Variants in CDC25C observed in about 807,000 individuals in gnomAD.
CDC25C encodes M-phase inducer phosphatase 3.
In CDC25C, 48 loss-of-function variants were observed where a neutral mutation model predicts 52.5. The ratio of observed to expected loss-of-function variants is 0.91; its 90% confidence interval spans 0.72 to 1.16. CDC25C has a LOEUF of 1.16. Among genes scored for constraint, CDC25C ranks in the 50% most tolerant of loss-of-function variants. CDC25C has a pLI of 0.00. For synonymous variants in CDC25C, 187 were observed against 206.5 expected (o/e 0.91, Z 0.81); for missense variants, 510 against 566.1 (o/e 0.90, Z 1.01).
chr5:138,337,282 T>TA (rs1220098060), intron 1 of CDC25C: 1 of 152,520 alleles, frequency 6.6e-6, no homozygotes, highest in Non-Finnish European at 1.5e-5. Flanking sequence ...TCAATCTCTT[T>TA]AAAAAAGACT....
chr5:138,332,284 T>C (rs1355938755), upstream of CDC25C: 1 of 152,272 alleles, frequency 6.6e-6, no homozygotes, highest in East Asian at 1.9e-4. Flanking sequence ...TTCTTCTAAG[T>C]TTTGCTGGCC....
At chr5:138,329,134 A>G (rs1458051087) in intron 3 of CDC25C, among the ~76,000 whole-genome samples, 1 of 151,772 alleles carries the variant, frequency 6.6e-6, no homozygotes, top group East Asian at 1.9e-4. Flanking sequence ...CGATCTCTTG[A>G]CCTCGTGACC....
At chr5:138,322,058 G>A (rs559007760) in intron 6 of CDC25C, among the ~76,000 whole-genome samples, 2 of 152,082 alleles carry the variant, frequency 1.3e-5, no homozygotes, top group African/African-American at 4.8e-5. Context: ...CTGGAGTGCA[G>A]TGGCGCGATC....
chr5:138,305,911 G>GT (rs1757970210), intron 7 of CDC25C, among the ~76,000 whole-genome samples: 1 of 152,166 alleles, frequency 6.6e-6, no homozygotes, highest in African/African-American at 2.4e-5. Flanking sequence ...AAAGCAAAGG[G>GT]TTGGTCCAGA....
intron 7 of CDC25C, among the ~76,000 whole-genome samples, chr5:138,293,151 A>G (rs1047257950): frequency 6.6e-6 from 1 of 152,212 alleles, no homozygotes; most frequent in African/African-American, 2.4e-5. Context: ...GGTACCGTCC[A>G]CATTATACGT....
rs754898690 is a variant in CDC25C at position 138,289,444 on chromosome 5, A to C, written c.927+57T>G. ...AAATGGAAATGGGCATTTTAGGGAC[A>C]GAAGAGACCAGATGGTAGCTTATGT... On this transcript the variant is annotated intron_variant, in intron 10 of 13. Coordinates refer to ENST00000323760, the MANE Select transcript of CDC25C (RefSeq NM_001790.5). The C allele has an allele frequency of 3.2e-6, 4 of 1,253,392 alleles. No individual in the cohort carries two copies. The African/African-American group carries it at 5.9e-5, about 18-fold the overall frequency. The allele number at this position is 1,253,392 out of a possible 1,614,324, so 77.6% of individuals were successfully genotyped here. A position where few individuals can be genotyped will look rare whatever the true frequency, so the allele number is the denominator to read the frequency against.
chr5:138,301,175 T>C (rs1249651052), intron 7 of CDC25C, among the ~76,000 whole-genome samples: 2 of 152,084 alleles, frequency 1.3e-5, no homozygotes, highest in Non-Finnish European at 2.9e-5. Context: ...AAAAGATGAT[T>C]TTTTAAAAAG....
At chr5:138,328,590 C>T in intron 3 of CDC25C, 61 bp from the exon 4 acceptor site, 1 of 1,413,538 alleles carries the variant, frequency 7.1e-7, no homozygotes, top group South Asian at 1.2e-5. Flanking sequence ...TCCTGTTTTT[C>T]CTTCAGATTT....
At chr5:138,304,313 CAT>C (rs1394471273) in intron 7 of CDC25C, among the ~76,000 whole-genome samples, 1 of 148,764 alleles carries the variant, frequency 6.7e-6, no homozygotes, top group Non-Finnish European at 1.5e-5. Flanking sequence ...GGACTACAGG[CAT>C]ACACACCATG....
At chr5:138,323,343 T>C (rs1328720344) in intron 6 of CDC25C, among the ~76,000 whole-genome samples, 1 of 152,190 alleles carries the variant, frequency 6.6e-6, no homozygotes, top group Non-Finnish European at 1.5e-5. Flanking sequence ...CAGACTCCTG[T>C]GCTCAAGCAA....
In CDC25C at chr5:138,290,659, G is replaced by T; in HGVS notation, c.844C>A (p.Leu282Met). Residue 282 changes from leucine to methionine, a missense_variant, in exon 9 of 14, where the codon CTG becomes ATG. Coordinates refer to ENST00000323760, the MANE Select transcript of CDC25C (RefSeq NM_001790.5). ...MLEEDSNQGH[L>M]IGDFSKVCAL... Reference sequence around the variant, plus strand: ...CTCACCTTGGAAAAATCACCAATCAGGTGCCCCTGGTTAGAATCTTCCTCC... The same window carrying T: ...CTCACCTTGGAAAAATCACCAATCATGTGCCCCTGGTTAGAATCTTCCTCC... 2 of 1,606,150 alleles carry T rather than the reference G, an allele frequency of 1.2e-6. No individual in the cohort carries two copies. The highest frequency in any genetic ancestry group is 1.7e-6 in the Non-Finnish European group (2 of 1,172,900).
chr5:138,330,274 T>C (rs1760256336), intron 2 of CDC25C, among the ~76,000 whole-genome samples: 1 of 152,088 alleles, frequency 6.6e-6, no homozygotes, highest in Admixed American at 6.6e-5. Flanking sequence ...CTGAGCACTA[T>C]GAACACAGGC....
intron 4 of CDC25C, among the ~76,000 whole-genome samples, chr5:138,326,369 C>T (rs1477024048): frequency 1.3e-5 from 2 of 150,870 alleles, no homozygotes. Flanking sequence ...TTTTTTGAGA[C>T]GGAATCTGGC....
intron 7 of CDC25C, among the ~76,000 whole-genome samples, chr5:138,298,748 CAAAAATAAAATAAAAT>C (rs1032726660): frequency 3.1e-4 from 47 of 149,872 alleles, no homozygotes; most frequent in South Asian, 1.7e-3. Flanking sequence ...GACTCCATCT[CAAAAATAAAATAAAAT>C]AAAAATAAAA....
At chr5:138,325,712 T>C in intron 6 of CDC25C, 103 bp downstream of exon 6, 1 of 781,590 alleles carries the variant, frequency 1.3e-6, no homozygotes, top group Non-Finnish European at 2.1e-6. Flanking sequence ...TTTCCTTGTC[T>C]AGCATACGAG....
chr5:138,299,086 G>A (rs534252720), intron 7 of CDC25C, among the ~76,000 whole-genome samples: 270 of 147,966 alleles, frequency 1.8e-3, no homozygotes, highest in African/African-American at 6.2e-3. Flanking sequence ...CCAGCTACTC[G>A]GGAGGCTGAG....
At chr5:138,290,368 C>T (rs989385271) in intron 9 of CDC25C, among the ~76,000 whole-genome samples, 3 of 152,042 alleles carry the variant, frequency 2.0e-5, no homozygotes, top group Non-Finnish European at 4.4e-5. Flanking sequence ...CTGTAACAAC[C>T]AAGTATTATT....
chr5:138,333,850 T>C (rs1053502611), upstream of CDC25C: 2 of 152,146 alleles, frequency 1.3e-5, no homozygotes, highest in Non-Finnish European at 2.9e-5. Context: ...AGTTGCAGCA[T>C]TCCTAAAACA....
chr5:138,291,907 T>C (rs1428469951), intron 8 of CDC25C, 63 bp downstream of exon 8: 18 of 1,410,952 alleles, frequency 1.3e-5, no homozygotes, highest in Non-Finnish European at 1.7e-5. Flanking sequence ...ACAATCCTCA[T>C]ACCAGAAAAG....
Sources: gnomAD v4.1 joint callset for allele counts (sites outside exome capture counted in the v4.1 genomes callset) on GRCh38, gnomAD v4.1.1 for gene constraint, MANE v1.5 for transcripts, NCBI Gene and HGNC (gene_info 2026-07-23, HGNC 2026-07-21) for gene names.